The following DCAF1 variants were observed in gnomAD, a reference collection of about 807,000 sequenced individuals.
DCAF1 encodes DDB1 and CUL4 associated factor 1, also known as DDB1- and CUL4-associated factor 1.
A neutral mutation model predicts 128.0 loss-of-function variants in DCAF1; 15 were observed. That is an observed-to-expected ratio of 0.12 (90% CI 0.08 to 0.18). DCAF1 has a LOEUF of 0.18. Among genes scored for constraint, DCAF1 ranks in the 10% least tolerant of loss-of-function variants. The pLI, the probability that DCAF1 is intolerant of heterozygous loss-of-function variation, is 1.00. For synonymous variants in DCAF1, 610 were observed against 603.0 expected (o/e 1.01, Z -0.17); for missense variants, 988 against 1,649.5 (o/e 0.60, Z 6.95).
chr3:51,433,043 G>C (rs1384335187), intron 10 of DCAF1, 63 bp downstream of exon 10: 1 of 397,984 alleles, frequency 2.5e-6, no homozygotes, highest in East Asian at 3.6e-5. Flanking sequence ...CTGCGAATGT[G>C]ATCTTTTAAA....
intron 2 of DCAF1, among the ~76,000 whole-genome samples, chr3:51,493,236 G>A (rs755818648): frequency 2.0e-5 from 3 of 150,690 alleles, no homozygotes; most frequent in South Asian, 2.1e-4. Context: ...TCCTGAGGTC[G>A]GGAGTTTAAG....
chr3:51,489,349 C>T (rs374146108), intron 2 of DCAF1, among the ~76,000 whole-genome samples: 1 of 152,048 alleles, frequency 6.6e-6, no homozygotes, highest in African/African-American at 2.4e-5. Context: ...ATGAGAATTG[C>T]TTGAATCGAA....
At chr3:51,504,639 T>C (rs1227105844), upstream of DCAF1, among the ~76,000 whole-genome samples, 1 of 151,936 alleles carries the variant, frequency 6.6e-6, no homozygotes, top group Non-Finnish European at 1.5e-5. Flanking sequence ...TGAACCACCA[T>C]GCTTTGGCCA....
chr3:51,403,110 C>T (rs782531803), intron 24 of DCAF1, 33 bp downstream of exon 24: 24 of 1,573,812 alleles, frequency 1.5e-5, no homozygotes, highest in Non-Finnish European at 2.0e-5. Flanking sequence ...CCCTGGGTGC[C>T]AAGGCTCAGC....
At chr3:51,473,953 G>A (rs1705106212) in intron 3 of DCAF1, among the ~76,000 whole-genome samples, 1 of 151,502 alleles carries the variant, frequency 6.6e-6, no homozygotes, top group Non-Finnish European at 1.5e-5. Context: ...ACAGGCATGT[G>A]CCACCACGCC....
chr3:51,478,655 T>C (rs1705779189), intron 3 of DCAF1, among the ~76,000 whole-genome samples: 1 of 152,138 alleles, frequency 6.6e-6, no homozygotes, highest in South Asian at 2.1e-4. Context: ...ATTCTTTTTT[T>C]GTTTTGTTTT....
Position 51,413,337 on chromosome 3 carries a change from T to C in DCAF1, c.3981A>G (p.Lys1327=), listed in dbSNP as rs369580735. The C allele has an allele frequency of 1.2e-6, 2 of 1,613,562 alleles. No homozygotes were observed. The highest frequency in any genetic ancestry group is 1.3e-5 in the African/African-American group (1 of 74,916). The change falls in exon 21 of 25, where the codon AAA becomes AAG. Residue 1327 remains lysine, a synonymous_variant. Transcript: ENST00000684031. ...DEDDLMEERM[K]SPFGSSFRTF... is the part of the protein sequence containing the mutation. ...TTCGGAAGGATGACCCAAAGGGGCTTTTCATCCTCTCTTCCATTAAGTCAT... is the reference window on the plus strand; with the variant it reads ...TTCGGAAGGATGACCCAAAGGGGCTCTTCATCCTCTCTTCCATTAAGTCAT...
At chr3:51,440,922 A>C in intron 9 of DCAF1, 48 bp downstream of exon 9, 4 of 1,480,234 alleles carry the variant, frequency 2.7e-6, no homozygotes, top group Non-Finnish European at 3.7e-6. Flanking sequence ...AAAAAAAAAC[A>C]AAGTTTTTAA....
Position 51,416,831 on chromosome 3 carries a change from G to A in DCAF1, c.3559C>T (p.His1187Tyr), listed in dbSNP as rs370481869. 6.2e-7 allele frequency: 1 copy of A among 1,611,744 alleles called. No individual in the cohort carries two copies. Among genetic ancestry groups the A allele is most frequent in the African/African-American group, 1.3e-5 (1 of 75,014 alleles). The change falls in exon 18 of 25, where the codon CAC becomes TAC. Residue 1187 changes from histidine (H) to tyrosine (Y), a missense_variant. Physicochemically the swap from His to Tyr is moderately conservative, Grantham distance 83. Coordinates refer to ENST00000684031, the MANE Select transcript of DCAF1 (RefSeq NM_001387579.1). The part of the protein sequence containing the change: ...TEDHYVEFSK[H>Y]SQDRVIGTKG... ...GTGCCGATGACCCGATCCTGGGAGT[G>A]CTTACTGAACTCAACATAGTGATCT...
intron 3 of DCAF1, among the ~76,000 whole-genome samples, chr3:51,476,329 T>A (rs1263111157): frequency 6.6e-6 from 1 of 151,300 alleles, no homozygotes; most frequent in African/African-American, 2.4e-5. Context: ...AGGCAGAGAT[T>A]GCAGTGAGCC....
At chr3:51,483,898 T>C (rs1706586634) in intron 2 of DCAF1, 62 bp from the exon 3 acceptor site, 1 of 1,166,000 alleles carries the variant, frequency 8.6e-7, no homozygotes. Flanking sequence ...CAAATAAAAG[T>C]GAAGAAGGGG....
chr3:51,409,449 T>C (rs1216557216), intron 23 of DCAF1, among the ~76,000 whole-genome samples: 1 of 152,132 alleles, frequency 6.6e-6, no homozygotes, highest in Non-Finnish European at 1.5e-5. Context: ...ACCCAGGTGA[T>C]GGTTCCCAGA....
intron 6 of DCAF1, among the ~76,000 whole-genome samples, chr3:51,461,083 C>A (rs1323281567): frequency 2.0e-5 from 3 of 151,274 alleles, no homozygotes; most frequent in Non-Finnish European, 3.0e-5. Context: ...AACTAAAGAG[C>A]TTCTGCACAG....
intron 20 of DCAF1, among the ~76,000 whole-genome samples, chr3:51,413,653 C>A (rs1698627335): frequency 6.6e-6 from 1 of 152,180 alleles, no homozygotes; most frequent in South Asian, 2.1e-4. Context: ...TATAACAACA[C>A]AAGAGGACAA....
intron 23 of DCAF1, among the ~76,000 whole-genome samples, chr3:51,410,931 G>T (rs1487813623): frequency 6.6e-6 from 1 of 152,216 alleles, no homozygotes; most frequent in Non-Finnish European, 1.5e-5. Context: ...GCTGAGGCGG[G>T]TGGATCACCT....
chr3:51,445,365 G>A (rs1231024048), intron 6 of DCAF1, among the ~76,000 whole-genome samples: 16 of 152,136 alleles, frequency 1.1e-4, no homozygotes, highest in Admixed American at 9.2e-4. Context: ...TACTCAACAT[G>A]TTTTTTAGAT....
intron 1 of DCAF1, among the ~76,000 whole-genome samples, 189 bp downstream of exon 1, chr3:51,499,681 CAGG>C (rs782223587): frequency 1.3e-5 from 2 of 151,772 alleles, no homozygotes; most frequent in African/African-American, 2.4e-5. Flanking sequence ...GGACAAGAAT[CAGG>C]AGGAGGAAAA....
chr3:51,468,361 G>A (rs1035593915), intron 4 of DCAF1, among the ~76,000 whole-genome samples: 1 of 151,952 alleles, frequency 6.6e-6, no homozygotes, highest in African/African-American at 2.4e-5. Flanking sequence ...TAGTAGAGTC[G>A]GGGTTTCACC....
chr3:51,416,642 TATC>T, intron 18 of DCAF1, 142 bp downstream of exon 18: 1 of 1,197,376 alleles, frequency 8.4e-7, no homozygotes, highest in Non-Finnish European at 1.2e-6. Context: ...AGAACTATAT[TATC>T]ATACTTTTAG....
Sources: allele counts gnomAD v4.1 joint callset (sites outside exome capture counted in the v4.1 genomes callset), GRCh38; gene constraint gnomAD v4.1.1; transcripts MANE v1.5; gene names NCBI Gene and HGNC (gene_info 2026-07-23, HGNC 2026-07-21).